Variants in CEP63 observed in about 807,000 individuals in gnomAD.
The protein encoded by CEP63 is centrosomal protein of 63 kDa.
In CEP63, 84 loss-of-function variants were observed where a neutral mutation model predicts 89.1. The observed-to-expected ratio is 0.94, with a 90% confidence interval of 0.79 to 1.13. The LOEUF (loss-of-function observed/expected upper bound fraction) is 1.13. CEP63 is among the 50% of genes most tolerant of loss of function. The probability of loss-of-function intolerance (pLI) is 0.00; values close to 1 mark genes in which losing one functional copy is unlikely to be tolerated. For synonymous variants in CEP63, 267 were observed against 272.5 expected, an observed-to-expected ratio of 0.98 and a Z score of 0.20; for missense variants, 838 against 813.3, an observed-to-expected ratio of 1.03 and a Z score of -0.37.
chr3:134,551,761 ACACACG>A (rs1357487667), intron 11 of CEP63, among the ~76,000 whole-genome samples, 159 bp from the exon 12 acceptor site: 7 of 147,496 alleles, frequency 4.7e-5, no homozygotes, highest in East Asian at 1.9e-4. Flanking sequence ...ATATACACAC[ACACACG>A]TACATATATA....
At chr3:134,578,356 G>C (rs1043417903), downstream of CEP63, among the ~76,000 whole-genome samples, 4 of 117,616 alleles carry the variant, frequency 3.4e-5, no homozygotes, top group African/African-American at 1.0e-4. Context: ...TTGAGATGGA[G>C]TCTTGCTCTG....
At chr3:134,727,420 C>T in the CEP63 span, among the ~76,000 whole-genome samples, 1 of 152,314 alleles carries the variant, frequency 6.6e-6, no homozygotes, top group East Asian at 1.9e-4. Context: ...TGATGATTCC[C>T]TTTTCATCCA....
chr3:134,602,348 TCA>T, the CEP63 span, among the ~76,000 whole-genome samples: 18 of 152,066 alleles, frequency 1.2e-4, no homozygotes, highest in Non-Finnish European at 2.6e-4. Context: ...CTGAGGCCTC[TCA>T]GTCTGTGCCT....
At chr3:134,546,063 G>T in intron 7 of CEP63, 86 bp from the exon 8 acceptor site, 1 of 1,431,792 alleles carries the variant, frequency 7.0e-7, no homozygotes, top group Non-Finnish European at 9.6e-7. Context: ...TGTAATAATA[G>T]CTGGCTTAGA....
intron 6 of CEP63, among the ~76,000 whole-genome samples, chr3:134,540,726 A>G (rs1951816570): frequency 6.9e-6 from 1 of 144,552 alleles, no homozygotes; most frequent in Non-Finnish European, 1.5e-5. Context: ...TTCATTTTTC[A>G]TAAATTATTT....
the CEP63 span, chr3:134,625,055 G>A: frequency 1.9e-6 from 3 of 1,594,490 alleles, no homozygotes; most frequent in Admixed American, 1.8e-5. Flanking sequence ...TGTCCTACCT[G>A]TGAGGCGTAG....
the CEP63 span, among the ~76,000 whole-genome samples, chr3:134,697,207 G>A: frequency 6.6e-6 from 1 of 152,236 alleles, no homozygotes; most frequent in African/African-American, 2.4e-5. Flanking sequence ...TCTTAAGAAT[G>A]CCACATACAG....
the CEP63 span, among the ~76,000 whole-genome samples, chr3:134,782,107 C>A: frequency 6.6e-6 from 1 of 152,092 alleles, no homozygotes; most frequent in African/African-American, 2.4e-5. Flanking sequence ...GAGTTTTAAT[C>A]AAATATTCTG....
the CEP63 span, among the ~76,000 whole-genome samples, chr3:134,687,289 G>T: frequency 6.6e-6 from 1 of 152,158 alleles, no homozygotes; most frequent in African/African-American, 2.4e-5. Context: ...ATTTCTCAAA[G>T]GTTACTACTA....
At chr3:134,646,182 A>T in the CEP63 span, among the ~76,000 whole-genome samples, 1 of 151,996 alleles carries the variant, frequency 6.6e-6, no homozygotes, top group Non-Finnish European at 1.5e-5. Flanking sequence ...ATTCTCAATA[A>T]CCCATAGCAG....
the CEP63 span, among the ~76,000 whole-genome samples, chr3:134,660,299 TG>T: frequency 2.0e-5 from 3 of 152,306 alleles, no homozygotes; most frequent in African/African-American, 7.2e-5. Flanking sequence ...TCAAGGCTCC[TG>T]GGGTGGTGTG....
the CEP63 span, chr3:134,603,914 C>T: frequency 1.0e-4 from 162 of 1,613,864 alleles, no homozygotes; most frequent in East Asian, 6.7e-5. Context: ...TAATTAAAGA[C>T]GAAGATGTAG....
chr3:134,524,038 A>G (rs1248026429), intron 3 of CEP63, among the ~76,000 whole-genome samples: 2 of 152,004 alleles, frequency 1.3e-5, no homozygotes, highest in Admixed American at 6.6e-5. Flanking sequence ...ATGTTTTTCC[A>G]TTTGTTTGTG....
chr3:134,697,599 C>T, the CEP63 span, among the ~76,000 whole-genome samples: 1 of 152,290 alleles, frequency 6.6e-6, no homozygotes, highest in East Asian at 1.9e-4. Flanking sequence ...AGCACTCATG[C>T]TCTTTGCTCG....
chr3:134,622,379 T>A, the CEP63 span, among the ~76,000 whole-genome samples: 3 of 152,182 alleles, frequency 2.0e-5, no homozygotes, highest in Non-Finnish European at 4.4e-5. Context: ...ATTATTCAAC[T>A]ACAAAAAGAA....
chr3:134,604,450 A>C, the CEP63 span: 18 of 1,609,644 alleles, frequency 1.1e-5, no homozygotes, highest in Non-Finnish European at 1.4e-5. Context: ...GCAGCTCTCA[A>C]TGGTGACCGT....
At chr3:134,538,134 T>C (rs1278823063) in intron 6 of CEP63, among the ~76,000 whole-genome samples, 2 of 151,428 alleles carry the variant, frequency 1.3e-5, no homozygotes, top group African/African-American at 4.8e-5. Flanking sequence ...TCAAGGTTGG[T>C]AGTTATCTTA....
At chr3:134,512,117 A>G (rs1259626151) in intron 3 of CEP63, among the ~76,000 whole-genome samples, 1 of 152,190 alleles carries the variant, frequency 6.6e-6, no homozygotes, top group Non-Finnish European at 1.5e-5. Flanking sequence ...TTTTGCTGAG[A>G]AAATTTTGGT....
At chr3:134,548,410 A>G (rs1039647927) in intron 9 of CEP63, among the ~76,000 whole-genome samples, 1 of 152,182 alleles carries the variant, frequency 6.6e-6, no homozygotes, top group Non-Finnish European at 1.5e-5. Context: ...GACTAATGCT[A>G]TACCATACCC....
Sources: gnomAD v4.1 joint callset for allele counts (sites outside exome capture counted in the v4.1 genomes callset) on GRCh38, gnomAD v4.1.1 for gene constraint, MANE v1.5 for transcripts, NCBI Gene and HGNC (gene_info 2026-07-23, HGNC 2026-07-21) for gene names.